Variants in WDR62 observed in about 807,000 individuals in gnomAD.
WDR62 encodes the protein WD repeat domain 62.
Under a neutral mutation model 160.6 loss-of-function variants are expected in WDR62, and 112 were observed. The ratio of observed to expected loss-of-function variants is 0.70; its 90% CI spans 0.60 to 0.82. The LOEUF is 0.82. WDR62 is among the 40% of genes least tolerant of loss of function. WDR62 has a pLI of 0.00. For synonymous variants in WDR62, 792 were observed against 815.1 expected, an observed-to-expected ratio of 0.97 and a Z score of 0.48; for missense variants, 1,819 against 1,983.8, an observed-to-expected ratio of 0.92 and a Z score of 1.58.
chr19:36,079,595 T>TA (rs1971774424), intron 9 of WDR62, among the ~76,000 whole-genome samples: 4 of 152,358 alleles, frequency 2.6e-5, no homozygotes, highest in South Asian at 2.1e-4. Context: ...CTTTAGGCCT[T>TA]ACCCCTTGCA....
At chr19:36,091,913 C>A (rs1328644225) in intron 18 of WDR62, among the ~76,000 whole-genome samples, 5 of 151,604 alleles carry the variant, frequency 3.3e-5, no homozygotes, top group Non-Finnish European at 7.4e-5. Context: ...AAAAACATAT[C>A]CCAGCTCTGC....
intron 9 of WDR62, 90 bp downstream of exon 9, chr19:36,073,621 T>C (rs1238249400): frequency 1.9e-6 from 2 of 1,072,622 alleles, no homozygotes; most frequent in South Asian, 2.7e-5. Context: ...CTTCAGAAGA[T>C]ACTCATTGAC....
chr19:36,060,114 A>C, intron 3 of WDR62, 84 bp downstream of exon 3: 96 of 1,353,730 alleles, frequency 7.1e-5, no homozygotes, highest in Non-Finnish European at 9.5e-5. Context: ...GGAGATACTC[A>C]TGGGTAGGTG....
At chr19:36,059,069 A>G in intron 2 of WDR62, 198 bp downstream of exon 2, 1 of 706,184 alleles carries the variant, frequency 1.4e-6, no homozygotes, top group East Asian at 2.7e-5. Context: ...TAGTGAGTGC[A>G]ATGAAAGCCT....
chr19:36,062,649 C>CAAAAAAAAAAAAAAAAAAAAAA (rs1167386837), intron 3 of WDR62: 2 of 39,462 alleles, frequency 5.1e-5, no homozygotes, highest in African/African-American at 2.4e-4. Context: ...GAGTCCGTCT[C>CAAAAAAAAAAAAAAAAAAAAAA]AAAAAAAAAA....
intron 15 of WDR62, among the ~76,000 whole-genome samples, chr19:36,090,078 C>G (rs1432908549): frequency 2.0e-5 from 3 of 152,110 alleles, no homozygotes; most frequent in African/African-American, 7.2e-5. Context: ...ACCTGCGGAT[C>G]AAGCAGGACT....
At position 36,086,010 on chromosome 19, in the gene WDR62, G is replaced by A. The variant is rs373410743; in HGVS notation, c.1643-677G>A. Among the ~76,000 whole-genome samples, 18 of 152,112 alleles carry A rather than the reference G, an allele frequency of 1.2e-4. 1 individual carries two copies. Among genetic ancestry groups the A allele is most frequent in the South Asian group, 4.2e-4 (2 of 4,814 alleles). On this transcript the variant is annotated intron_variant, in intron 12 of 31. Coordinates refer to ENST00000401500, the MANE Select transcript of WDR62 (RefSeq NM_001083961.2). ...TCAAGATGTTTTCTAGGCTGGGCAC[G>A]GTGGCTCATGCCTGTAATCCCAGCA...
Position 36,092,613 on chromosome 19 carries a change from C to CT in WDR62, c.2211-74dup, listed in dbSNP as rs934639472. On this transcript the variant is annotated intron_variant, in intron 18 of 31. Coordinates refer to ENST00000401500, the MANE Select transcript of WDR62 (RefSeq NM_001083961.2). Reference sequence around the variant, plus strand: ...GGGGTCCAGGCTGTGGTGTGGGTGGCTTCAGGGTCAGCCACGGCAGCGGCT... The same window carrying CT: ...GGGGTCCAGGCTGTGGTGTGGGTGGCTTTCAGGGTCAGCCACGGCAGCGGCT... 154 of 1,603,548 alleles carry CT rather than the reference C, an allele frequency of 9.6e-5. No homozygotes were observed. In the African/African-American group the frequency reaches 1.8e-3, roughly 19 times the overall value.
chr19:36,065,224 C>A (rs1201580276), intron 3 of WDR62, among the ~76,000 whole-genome samples: 4 of 152,106 alleles, frequency 2.6e-5, no homozygotes, highest in African/African-American at 9.7e-5. Flanking sequence ...AGCAGGTTGA[C>A]TTGATGATGA....
At chr19:36,070,998 A>C (rs1207626025) in intron 7 of WDR62, 1 of 158,862 alleles carries the variant, frequency 6.3e-6, no homozygotes, top group Non-Finnish European at 1.4e-5. Flanking sequence ...ACCTGAGGTC[A>C]GGAGTTCAAG....
Position 36,097,073 on chromosome 19 carries a change from G to A in WDR62, c.2514G>A (p.Lys838=), listed in dbSNP as rs750855744. 27 of 1,613,818 alleles carry A rather than the reference G, an allele frequency of 1.7e-5. No homozygotes were observed. The highest frequency in any genetic ancestry group is 2.3e-5 in the Non-Finnish European group (27 of 1,179,924). Residue 838 remains lysine (K), a synonymous_variant, in exon 21 of 32, where the codon AAG becomes AAA. Coordinates refer to ENST00000401500, the MANE Select transcript of WDR62 (RefSeq NM_001083961.2). ...ACGGCAAGCTGCCACTGTGGGCAAA[G>A]CGGCTGGTAAGTCTTCAGGGAGAGG... ...LTNGKLPLWA[K]RLLGDDDVAD... is the part of the protein sequence containing the mutation.
At chr19:36,065,316 G>A (rs1378541555) in intron 3 of WDR62, among the ~76,000 whole-genome samples, 2 of 152,186 alleles carry the variant, frequency 1.3e-5, no homozygotes, top group African/African-American at 2.4e-5. Context: ...CACGTAGGGA[G>A]ACAATTATTA....
At position 36,085,470 on chromosome 19, in the gene WDR62, G is replaced by C. The variant is rs181337043; in HGVS notation, c.1642+726G>C. Reference sequence around the variant, plus strand: ...GAGTCTCACTCTGTCGCCCTGGCCGGAGGGCAATGACGCGATCTCAGTTCA... The same window carrying C: ...GAGTCTCACTCTGTCGCCCTGGCCGCAGGGCAATGACGCGATCTCAGTTCA... On this transcript the variant is annotated intron_variant, in intron 12 of 31. Coordinates refer to ENST00000401500, the MANE Select transcript of WDR62 (RefSeq NM_001083961.2). Among the ~76,000 whole-genome samples, 142 of 139,416 alleles carry C rather than the reference G, an allele frequency of 1.0e-3. 1 individual carries two copies. The highest frequency in any genetic ancestry group is 3.7e-3 in the African/African-American group (141 of 37,610). The allele number at this position is 139,416 out of a possible 152,430, so 91.5% of individuals were successfully genotyped here.
rs907436296 is a variant in WDR62 at position 36,101,682 on chromosome 19, C to T, written c.2990C>T (p.Ala997Val). 6.4e-7 allele frequency: 1 copy of T among 1,551,000 alleles called. No homozygotes were observed. Among genetic ancestry groups the T allele is most frequent in the Non-Finnish European group, 8.7e-7 (1 of 1,146,942 alleles). The change falls in exon 25 of 32, where the codon GCC (alanine) becomes GTC (valine). Residue 997 changes from alanine to valine, a missense_variant. By Grantham distance (64) the Ala-to-Val change is moderately conservative (BLOSUM62 0). This residue lies in a region of WDR62 where 770 missense variants were observed against 734.2 expected (regional missense o/e 1.05). Coordinates refer to ENST00000401500, the MANE Select transcript of WDR62 (RefSeq NM_001083961.2). The part of the protein sequence containing the change: ...SPPEDSGESE[A>V]DLECSFAAIH... Reference sequence around the variant, plus strand: ...CCTTCAGACTCGGGGGAGTCAGAGGCCGACCTGGAGTGCAGCTTCGCAGCC... The same window carrying T: ...CCTTCAGACTCGGGGGAGTCAGAGGTCGACCTGGAGTGCAGCTTCGCAGCC...
At chr19:36,101,819 G>A in intron 25 of WDR62, 45 bp downstream of exon 25, 1 of 1,524,964 alleles carries the variant, frequency 6.6e-7, no homozygotes, top group Non-Finnish European at 8.9e-7. Context: ...CTCGGGCCTG[G>A]CTTAGGGCCA....
At chr19:36,095,420 C>T (rs1267383481) in intron 20 of WDR62, among the ~76,000 whole-genome samples, 2 of 152,132 alleles carry the variant, frequency 1.3e-5, no homozygotes, top group East Asian at 3.8e-4. Flanking sequence ...TGTAGCTGTC[C>T]ACATCTCAGC....
chr19:36,056,622 A>T (rs1466444664), intron 1 of WDR62, among the ~76,000 whole-genome samples: 1 of 152,116 alleles, frequency 6.6e-6, no homozygotes, highest in African/African-American at 2.4e-5. Flanking sequence ...CATAGCCTTT[A>T]TCTTATATGT....
chr19:36,061,208 C>T (rs1475529301), intron 3 of WDR62: 2 of 152,224 alleles, frequency 1.3e-5, no homozygotes, highest in Non-Finnish European at 1.5e-5. Flanking sequence ...CTTTTTGGAC[C>T]TTTTGCTCCT....
chr19:36,058,933 A>T (rs200472769), intron 2 of WDR62, 62 bp downstream of exon 2: 1 of 1,388,498 alleles, frequency 7.2e-7, no homozygotes, highest in Non-Finnish European at 1.0e-6. Context: ...TGGAACCTGA[A>T]GCCATCCGTA....
Sources: allele counts gnomAD v4.1 joint callset (sites outside exome capture counted in the v4.1 genomes callset), GRCh38; gene constraint gnomAD v4.1.1; regional missense constraint gnomAD v4.1.1; transcripts MANE v1.5; gene names NCBI Gene and HGNC (gene_info 2026-07-23, HGNC 2026-07-21).